ADAMTS16: variants seen among roughly 807,000 people sequenced by gnomAD.
ADAMTS16 encodes A disintegrin and metalloproteinase with thrombospondin motifs 16.
In ADAMTS16, 94 loss-of-function variants were observed where a neutral mutation model predicts 145.8. The ratio of observed to expected loss-of-function variants is 0.64; its 90% confidence interval spans 0.55 to 0.77. The LOEUF (loss-of-function observed/expected upper bound fraction) is 0.77. ADAMTS16 is among the 30% of genes least tolerant of loss of function. The pLI is 0.00. For missense variants in ADAMTS16, 1,585 were observed against 1,591.5 expected, an observed-to-expected ratio of 1.00 and a Z score of 0.07; for synonymous variants, 659 against 604.3, an observed-to-expected ratio of 1.09 and a Z score of -1.33.
chr5:5,261,615 A>G (rs944176066), intron 17 of ADAMTS16, among the ~76,000 whole-genome samples: 1 of 151,450 alleles, frequency 6.6e-6, no homozygotes, highest in Non-Finnish European at 1.5e-5. Context: ...GCCTCCTGAT[A>G]GCTGGGAATA....
chr5:5,234,170 C>T (rs1426319036), intron 12 of ADAMTS16, among the ~76,000 whole-genome samples: 4 of 152,214 alleles, frequency 2.6e-5, no homozygotes, highest in South Asian at 4.2e-4. Flanking sequence ...TTGCGCTGCC[C>T]GCATTACCAG....
intron 4 of ADAMTS16, 71 bp downstream of exon 4, chr5:5,182,376 A>G (rs1735366899): frequency 6.5e-7 from 1 of 1,541,448 alleles, no homozygotes; most frequent in Non-Finnish European, 8.8e-7. Context: ...AAGCTTGTAC[A>G]TTTTCTTCAA....
intron 21 of ADAMTS16, among the ~76,000 whole-genome samples, chr5:5,315,086 G>C (rs973213107): frequency 3.3e-5 from 5 of 152,156 alleles, no homozygotes; most frequent in African/African-American, 1.2e-4. Flanking sequence ...AGAGGCCTCA[G>C]GAAACTTACA....
At chr5:5,257,127 A>G (rs1214008289) in intron 17 of ADAMTS16, among the ~76,000 whole-genome samples, 1 of 152,202 alleles carries the variant, frequency 6.6e-6, no homozygotes, top group Non-Finnish European at 1.5e-5. Flanking sequence ...GGTCCATAAA[A>G]CATCTTCATA....
At chr5:5,268,451 C>T (rs1171913561) in intron 18 of ADAMTS16, among the ~76,000 whole-genome samples, 1 of 152,172 alleles carries the variant, frequency 6.6e-6, no homozygotes, top group African/African-American at 2.4e-5. Context: ...ACTGCTACTG[C>T]TGTGGTCAGT....
intron 18 of ADAMTS16, among the ~76,000 whole-genome samples, chr5:5,267,097 G>A (rs1738267194): frequency 6.6e-6 from 1 of 152,174 alleles, no homozygotes; most frequent in Non-Finnish European, 1.5e-5. Flanking sequence ...CGCAGGGTGT[G>A]CGATGAGGGC....
chr5:5,216,164 T>A (rs774770838), intron 10 of ADAMTS16, among the ~76,000 whole-genome samples: 2 of 152,046 alleles, frequency 1.3e-5, no homozygotes, highest in African/African-American at 2.4e-5. Flanking sequence ...ACCAGCAGTG[T>A]AGAAGCGTTC....
chr5:5,277,507 A>G (rs913824084), intron 18 of ADAMTS16, among the ~76,000 whole-genome samples: 1 of 152,230 alleles, frequency 6.6e-6, no homozygotes, highest in African/African-American at 2.4e-5. Flanking sequence ...ACAGTCTCCT[A>G]GAATGCATGG....
At chr5:5,153,121 CA>C (rs1331549854) in intron 3 of ADAMTS16, among the ~76,000 whole-genome samples, 1 of 152,212 alleles carries the variant, frequency 6.6e-6, no homozygotes, top group Non-Finnish European at 1.5e-5. Context: ...CATGAATTTG[CA>C]TTGTGTCACC....
chr5:5,292,505 AAT>A, intron 18 of ADAMTS16, among the ~76,000 whole-genome samples: 2 of 8,592 alleles, frequency 2.3e-4, no homozygotes, highest in South Asian at 0.012. Flanking sequence ...CTCAAATAAT[AAT>A]AATAATAATA....
chr5:5,318,430 G>A, intron 22 of ADAMTS16, 149 bp downstream of exon 22: 1 of 875,454 alleles, frequency 1.1e-6, no homozygotes, highest in Non-Finnish European at 1.6e-6. Flanking sequence ...CAATGAAATG[G>A]TCCATAGAGC....
At chr5:5,237,977 T>A (rs1226728212) in intron 14 of ADAMTS16, among the ~76,000 whole-genome samples, 1 of 152,188 alleles carries the variant, frequency 6.6e-6, no homozygotes, top group Non-Finnish European at 1.5e-5. Flanking sequence ...AATCTGCATA[T>A]CCTACGGAGT....
chr5:5,181,639 T>C (rs1271391019), intron 3 of ADAMTS16, among the ~76,000 whole-genome samples: 1 of 152,224 alleles, frequency 6.6e-6, no homozygotes, highest in Non-Finnish European at 1.5e-5. Flanking sequence ...CTATTAGGAT[T>C]CTAATTTTGA....
intron 17 of ADAMTS16, among the ~76,000 whole-genome samples, chr5:5,246,663 G>C (rs767679972): frequency 6.6e-6 from 1 of 152,132 alleles, no homozygotes. Flanking sequence ...TGCCAAAGTC[G>C]GTGTTGCTTT....
chr5:5,277,070 A>G (rs1460111034), intron 18 of ADAMTS16, among the ~76,000 whole-genome samples: 1 of 152,246 alleles, frequency 6.6e-6, no homozygotes, highest in Admixed American at 6.5e-5. Context: ...TGTGTTGGAC[A>G]TGAAACCTAT....
chr5:5,319,038 A>G lies in ADAMTS16; in HGVS notation c.3575A>G (p.Asp1192Gly), dbSNP rs1403634521. 2 of 1,612,632 alleles carry G rather than the reference A, an allele frequency of 1.2e-6. No homozygotes were observed. Among genetic ancestry groups the G allele is most frequent in the Non-Finnish European group, 1.7e-6 (2 of 1,179,436 alleles). Reference sequence around the variant, plus strand: ...TCATTTTCAGATGCCTTCTGCAAAGACTACTTCCACTGGTGCTACCTGGTA... The same window carrying G: ...TCATTTTCAGATGCCTTCTGCAAAGGCTACTTCCACTGGTGCTACCTGGTA... Reference protein sequence around the residue: ...IAEKKDAFCKDYFHWCYLVPQ... With the variant: ...IAEKKDAFCKGYFHWCYLVPQ... Residue 1192 changes from aspartate to glycine, a missense_variant, in exon 23 of 23, where the codon GAC (aspartate) becomes GGC (glycine). Physicochemically the swap from Asp to Gly is moderately conservative, Grantham distance 94 (BLOSUM62 -1). Transcript: ENST00000274181.
At chr5:5,168,755 AATTATATTTT>A (rs1279834385) in intron 3 of ADAMTS16, among the ~76,000 whole-genome samples, 20 of 139,660 alleles carry the variant, frequency 1.4e-4, no homozygotes, top group Admixed American at 6.1e-4. Flanking sequence ...ATAATTATAT[AATTATATTTT>A]ATTATATTTT....
intron 18 of ADAMTS16, among the ~76,000 whole-genome samples, chr5:5,286,781 C>G (rs1230255456): frequency 6.7e-6 from 1 of 148,698 alleles, no homozygotes; most frequent in Non-Finnish European, 1.5e-5. Context: ...TGATGCAAAC[C>G]CAGGAGGTGG....
At chr5:5,293,285 T>C (rs558184824) in intron 18 of ADAMTS16, among the ~76,000 whole-genome samples, 33 of 152,314 alleles carry the variant, frequency 2.2e-4, no homozygotes, top group Non-Finnish European at 4.3e-4. Flanking sequence ...TGGCTGTGTG[T>C]TCCCAGTTTC....
Sources: allele counts gnomAD v4.1 joint callset (sites outside exome capture counted in the v4.1 genomes callset), GRCh38; gene constraint gnomAD v4.1.1; transcripts MANE v1.5; gene names NCBI Gene and HGNC (gene_info 2026-07-23, HGNC 2026-07-21).